Variants in C22orf23 observed in about 807,000 individuals in gnomAD.
C22orf23 encodes chromosome 22 open reading frame 23, also known as UPF0193 protein EVG1.
C22orf23 carries 30 observed loss-of-function variants against 29.7 expected under a neutral mutation model. The ratio of observed to expected loss-of-function variants is 1.01; its 90% CI spans 0.76 to 1.37. The LOEUF is 1.37. Among genes scored for constraint, C22orf23 ranks in the 40% most tolerant of loss-of-function variants. The probability of loss-of-function intolerance (pLI) is 0.00; values close to 1 mark genes in which losing one functional copy is unlikely to be tolerated. For missense variants in C22orf23, 237 were observed against 273.1 expected (o/e 0.87, Z 0.93); for synonymous variants, 90 against 96.1 (o/e 0.94, Z 0.37).
intron 3 of C22orf23, among the ~76,000 whole-genome samples, chr22:37,950,488 T>C (rs1200392425): frequency 6.6e-6 from 1 of 152,064 alleles, no homozygotes; most frequent in Non-Finnish European, 1.5e-5. Context: ...TCGCCCAGGC[T>C]GGAGTGCAGT....
chr22:37,947,283 G>A lies in C22orf23; in HGVS notation c.347C>T (p.Thr116Ile). 1 of 1,613,970 alleles carries A rather than the reference G, an allele frequency of 6.2e-7. No homozygotes were observed. The highest frequency in any genetic ancestry group is 8.5e-7 in the Non-Finnish European group (1 of 1,179,996). ...CCCTAGCTGAGACCCTCACTTACTG[G>A]TGGCTTGAGGCTTGAACTGCTCCCG... The part of the protein sequence containing the change: ...YSREQFKPQA[T>I]RDLEKEKQRL... The change falls in exon 4 of 7, where the codon ACC becomes ATC. Residue 116 changes from threonine to isoleucine, a missense_variant and splice_region_variant. Thr to Ile is a moderately conservative substitution (Grantham distance 89). Transcript: ENST00000403305.
At chr22:37,950,036 G>A (rs1163361213) in intron 3 of C22orf23, among the ~76,000 whole-genome samples, 2 of 151,998 alleles carry the variant, frequency 1.3e-5, no homozygotes, top group Non-Finnish European at 2.9e-5. Flanking sequence ...TTGGGCTCAA[G>A]CAATCCTCCT....
intron 4 of C22orf23, among the ~76,000 whole-genome samples, chr22:37,945,439 A>G (rs968252366): frequency 7.9e-5 from 12 of 151,248 alleles, no homozygotes; most frequent in African/African-American, 2.7e-4. Flanking sequence ...GCTTAGGACC[A>G]GGAGTTCAAG....
intron 3 of C22orf23, 39 bp from the exon 4 acceptor site, chr22:37,947,502 CTTTTTTTT>C (rs11359710): frequency 4.1e-4 from 133 of 321,130 alleles, no homozygotes; most frequent in East Asian, 7.3e-4. Context: ...ACCCACATGG[CTTTTTTTT>C]TTTTTTTTTT....
At chr22:37,944,753 G>T (rs1457775923) in intron 5 of C22orf23, 3 of 563,584 alleles carry the variant, frequency 5.3e-6, no homozygotes, top group African/African-American at 1.9e-5. Flanking sequence ...ACAAAAATTA[G>T]CCAGGCATGG....
At chr22:37,945,985 G>A (rs1431362623) in intron 4 of C22orf23, among the ~76,000 whole-genome samples, 8 of 151,652 alleles carry the variant, frequency 5.3e-5, no homozygotes, top group South Asian at 2.1e-4. Context: ...TGGGCCGGGC[G>A]CGGTAGCTCA....
At chr22:37,947,236 C>T (rs757282099) in intron 4 of C22orf23, 45 bp downstream of exon 4, 89 of 1,601,990 alleles carry the variant, frequency 5.6e-5, no homozygotes, top group Non-Finnish European at 7.4e-5. Flanking sequence ...CCCTTGTCCT[C>T]CCCCAGGGAG....
In C22orf23 at chr22:37,944,148, G is replaced by C; in HGVS notation, c.*27C>G. The C allele has an allele frequency of 6.2e-7, 1 of 1,605,520 alleles. No individual in the cohort carries two copies. The highest frequency in any genetic ancestry group is 1.1e-5 in the South Asian group (1 of 90,916). On this transcript the variant is annotated 3_prime_UTR_variant, in exon 7 of 7. Coordinates refer to ENST00000403305, the MANE Select transcript of C22orf23 (RefSeq NM_032561.5). ...AGTGGACTCCAGTGGTCGAGCTTGG[G>C]CTACCCTGCCCGTCTCTGGAGACAG...
intron 2 of C22orf23, among the ~76,000 whole-genome samples, chr22:37,952,188 A>C (rs1931086072): frequency 6.6e-6 from 1 of 152,172 alleles, no homozygotes; most frequent in African/African-American, 2.4e-5. Flanking sequence ...TTGTTGGAAA[A>C]AAACAAAAAA....
At chr22:37,944,702 C>T (rs1005269248) in intron 5 of C22orf23, 185 bp from the exon 6 acceptor site, 1 of 585,490 alleles carries the variant, frequency 1.7e-6, no homozygotes, top group Non-Finnish European at 3.0e-6. Flanking sequence ...AGTTCGAGAC[C>T]AGCCTGACCA....
Position 37,946,482 on chromosome 22 carries a change from A to G in C22orf23, c.349+799T>C, listed in dbSNP as rs911072042. ...TCCCAGCTATTCTGGAGACTGAGGCAGGAGGATTGCTTGAGCTCAGGAGTT... is the reference window on the plus strand; with the variant it reads ...TCCCAGCTATTCTGGAGACTGAGGCGGGAGGATTGCTTGAGCTCAGGAGTT... On this transcript the variant is annotated intron_variant, in intron 4 of 6. Coordinates refer to ENST00000403305, the MANE Select transcript of C22orf23 (RefSeq NM_032561.5). Among the ~76,000 whole-genome samples, 3 of 150,324 alleles carry G rather than the reference A, an allele frequency of 2.0e-5. 1 individual carries two copies. The highest frequency in any genetic ancestry group is 7.3e-5 in the African/African-American group (3 of 40,928).
chr22:37,946,608 G>A (rs1477982358), intron 4 of C22orf23, among the ~76,000 whole-genome samples: 3 of 150,874 alleles, frequency 2.0e-5, no homozygotes, highest in Admixed American at 1.3e-4. Context: ...GGCCGGGAGC[G>A]GTCGTTTGTG....
intron 3 of C22orf23, among the ~76,000 whole-genome samples, chr22:37,949,990 A>G (rs1042519866): frequency 1.3e-5 from 2 of 151,874 alleles, no homozygotes; most frequent in African/African-American, 4.8e-5. Context: ...GGTACACCCC[A>G]GTATGTATGT....
chr22:37,950,449 TA>T (rs1183007940), intron 3 of C22orf23, among the ~76,000 whole-genome samples: 1 of 152,032 alleles, frequency 6.6e-6, no homozygotes, highest in Non-Finnish European at 1.5e-5. Flanking sequence ...TATTTTATTT[TA>T]ATTATTTTGA....
chr22:37,948,240 G>T (rs972675944), intron 3 of C22orf23, among the ~76,000 whole-genome samples: 2 of 152,162 alleles, frequency 1.3e-5, no homozygotes, highest in African/African-American at 4.8e-5. Context: ...TGGAGGTCAG[G>T]AGTTTGAGAC....
upstream of C22orf23, chr22:37,953,602 A>G (rs1177568251): frequency 4.5e-6 from 3 of 671,274 alleles, no homozygotes; most frequent in Non-Finnish European, 7.3e-6. Context: ...TCGCTACTAT[A>G]GAAACGCGCA....
In C22orf23 at chr22:37,943,881, G is replaced by GTCAGA. The variant is rs751529795; in HGVS notation, c.*289_*293dup. The GTCAGA allele has an allele frequency of 3.3e-5, 16 of 486,888 alleles. No homozygotes were observed. Among genetic ancestry groups the GTCAGA allele is most frequent in the Non-Finnish European group, 5.6e-5 (15 of 268,318 alleles). 30.2% of individuals were successfully genotyped at this position (486,888 alleles called of 1,614,324 possible). On this transcript the variant is annotated 3_prime_UTR_variant, in exon 7 of 7. Coordinates refer to ENST00000403305, the MANE Select transcript of C22orf23 (RefSeq NM_032561.5). Reference sequence around the variant, plus strand: ...AGAAAACTAAATGAACAGGCCACAGGTCAGAAGTGGTGGGAAGCAGGCCCA... The same window carrying GTCAGA: ...AGAAAACTAAATGAACAGGCCACAGGTCAGATCAGAAGTGGTGGGAAGCAGGCCCA...
At chr22:37,947,501 GCTT>G in intron 3 of C22orf23, 38 bp from the exon 4 acceptor site, 27 of 974,074 alleles carry the variant, frequency 2.8e-5, no homozygotes, top group South Asian at 6.6e-5. Context: ...GACCCACATG[GCTT>G]TTTTTTTTTT....
chr22:37,953,259 C>G, intron 1 of C22orf23, 101 bp from the exon 2 acceptor site: 1 of 776,492 alleles, frequency 1.3e-6, no homozygotes, highest in African/African-American at 1.7e-5. Flanking sequence ...GGGGATCGAG[C>G]CAGAGAATGA....
Sources: allele counts gnomAD v4.1 joint callset (sites outside exome capture counted in the v4.1 genomes callset), GRCh38; gene constraint gnomAD v4.1.1; transcripts MANE v1.5; gene names NCBI Gene and HGNC (gene_info 2026-07-23, HGNC 2026-07-21).